Variants in ZNF804B observed in about 807,000 individuals in gnomAD.
ZNF804B encodes zinc finger 804B.
A neutral mutation model predicts 101.4 loss-of-function variants in ZNF804B; 80 were observed. The ratio of observed to expected loss-of-function variants is 0.79; its 90% CI spans 0.66 to 0.95. The LOEUF is 0.95. ZNF804B is among the 40% of genes least tolerant of loss of function. ZNF804B has a pLI of 0.00. For synonymous variants in ZNF804B, 622 were observed against 558.8 expected (o/e 1.11, Z -1.59); for missense variants, 1,673 against 1,561.9 (o/e 1.07, Z -1.20).
chr7:88,882,752 A>G (rs1031563838), intron 1 of ZNF804B, among the ~76,000 whole-genome samples: 1 of 152,150 alleles, frequency 6.6e-6, no homozygotes, highest in African/African-American at 2.4e-5. Context: ...TAATGCAGGA[A>G]TGGAAAAACA....
intron 1 of ZNF804B, chr7:88,794,566 A>T: frequency 6.2e-7 from 1 of 1,613,684 alleles, no homozygotes; most frequent in Non-Finnish European, 8.5e-7. Context: ...CATTTGTTGA[A>T]TAAAAAATAC....
intron 1 of ZNF804B, among the ~76,000 whole-genome samples, chr7:88,801,921 C>A (rs867807654): frequency 6.6e-6 from 1 of 152,032 alleles, no homozygotes; most frequent in East Asian, 1.9e-4. Context: ...AAATTTGGAT[C>A]TGATATGGTT....
intron 2 of ZNF804B, among the ~76,000 whole-genome samples, chr7:89,246,468 C>A (rs1789448869): frequency 6.6e-6 from 1 of 152,142 alleles, no homozygotes; most frequent in South Asian, 2.1e-4. Flanking sequence ...CAGCAGGGCC[C>A]TCTCAGATTT....
intron 1 of ZNF804B, among the ~76,000 whole-genome samples, chr7:88,951,118 T>C (rs1793211108): frequency 1.3e-5 from 2 of 152,002 alleles, no homozygotes; most frequent in African/African-American, 2.4e-5. Flanking sequence ...TAAGAAATAT[T>C]TGGAGGACTC....
intron 1 of ZNF804B, among the ~76,000 whole-genome samples, chr7:89,029,060 T>C (rs1788790411): frequency 6.6e-6 from 1 of 152,122 alleles, no homozygotes; most frequent in Admixed American, 6.6e-5. Context: ...TATGAACAAA[T>C]GAATGACAAT....
intron 1 of ZNF804B, among the ~76,000 whole-genome samples, chr7:88,797,144 C>T (rs539677725): frequency 1.5e-4 from 23 of 152,172 alleles, no homozygotes; most frequent in Non-Finnish European, 3.2e-4. Flanking sequence ...CCTCTCAGTT[C>T]CCAGGCCAAA....
Position 89,004,862 on chromosome 7 carries a change from T to C in ZNF804B, c.109-213293T>C, listed in dbSNP as rs1012500337. ...CATTTTTCTGACTGTAATATTTGCA[T>C]TTCTGGACATTTTTTTCTAGCCTTC... is the stretch of plus-strand genomic sequence containing the variant. On this transcript the variant is annotated intron_variant, in intron 1 of 3. Transcript: ENST00000333190. 2.0e-5 allele frequency among the ~76,000 whole-genome samples: 3 copies of C among 151,976 alleles called. No homozygotes were observed. In the South Asian group the frequency reaches 6.2e-4, roughly 31 times the overall value.
chr7:88,832,199 C>T (rs764201163), intron 1 of ZNF804B, among the ~76,000 whole-genome samples: 44 of 151,606 alleles, frequency 2.9e-4, no homozygotes, highest in Non-Finnish European at 5.9e-4. Flanking sequence ...ATTTGTCTAA[C>T]GTACTCTTAT....
rs1298829988 is a variant in ZNF804B at position 88,833,146 on chromosome 7, CT to C, written c.108+73073del. ...ATCCTCTTTCAATATTTCCTTTCTG[CT>C]TTTTTTTTTTGCTATTCTATCTTCC... On this transcript the variant is annotated intron_variant, in intron 1 of 3. Transcript: ENST00000333190. 3.8e-3 allele frequency among the ~76,000 whole-genome samples: 529 copies of C among 137,938 alleles called. 2 individuals carry two copies. The highest frequency in any genetic ancestry group is 8.8e-3 in the African/African-American group (327 of 37,096). The allele number at this position is 137,938 out of a possible 152,430, so 90.5% of individuals were successfully genotyped here.
intron 1 of ZNF804B, among the ~76,000 whole-genome samples, chr7:89,004,365 A>T (rs1171301511): frequency 6.6e-6 from 1 of 151,910 alleles, no homozygotes; most frequent in Non-Finnish European, 1.5e-5. Context: ...TTATTCATAT[A>T]AAGTATGATC....
At chr7:89,024,599 T>C (rs1347052113) in intron 1 of ZNF804B, among the ~76,000 whole-genome samples, 5 of 6,544 alleles carry the variant, frequency 7.6e-4, no homozygotes, top group African/African-American at 4.2e-3. Context: ...AGCTATTACT[T>C]TTTTTTTTTT....
chr7:89,334,196 C>T lies in ZNF804B; in HGVS notation c.1214C>T (p.Ser405Phe), dbSNP rs779611116. Residue 405 changes from serine to phenylalanine, a missense_variant, in exon 4 of 4, where the codon TCC becomes TTC. Physicochemically the swap from Ser to Phe is radical, Grantham distance 155. Coordinates refer to ENST00000333190, the MANE Select transcript of ZNF804B (RefSeq NM_181646.5). ...AGTACAGTGCATCTGAATCCAAATT[C>T]CAGAATAGAGAACAGAGAAAAATCT... ...QKSTVHLNPN[S>F]RIENREKSLD... The T allele has an allele frequency of 6.2e-7, 1 of 1,613,362 alleles. No homozygotes were observed. Among genetic ancestry groups the T allele is most frequent in the South Asian group, 1.1e-5 (1 of 91,064 alleles).
chr7:89,059,943 T>C (rs1012920707), intron 1 of ZNF804B, among the ~76,000 whole-genome samples: 3 of 152,090 alleles, frequency 2.0e-5, no homozygotes, highest in Non-Finnish European at 4.4e-5. Flanking sequence ...GAATTGTCTT[T>C]CTTTGAGACA....
At chr7:89,262,433 T>C (rs1472175992) in intron 2 of ZNF804B, among the ~76,000 whole-genome samples, 1 of 152,158 alleles carries the variant, frequency 6.6e-6, no homozygotes, top group African/African-American at 2.4e-5. Context: ...TATATGACCA[T>C]GGGTAAGTTA....
At chr7:89,305,417 G>GA (rs1422913274) in intron 2 of ZNF804B, among the ~76,000 whole-genome samples, 2 of 151,800 alleles carry the variant, frequency 1.3e-5, no homozygotes, top group African/African-American at 2.4e-5. Context: ...TAGTTTGAAA[G>GA]AAAAAATGTG....
At chr7:88,786,453 T>C (rs189779128) in intron 1 of ZNF804B, among the ~76,000 whole-genome samples, 44 of 152,226 alleles carry the variant, frequency 2.9e-4, no homozygotes, top group Admixed American at 2.5e-3. Context: ...TTCTCTTTAC[T>C]GAATGCAGAT....
At chr7:88,811,484 A>G (rs188056854) in intron 1 of ZNF804B, among the ~76,000 whole-genome samples, 8 of 152,288 alleles carry the variant, frequency 5.3e-5, no homozygotes, top group African/African-American at 1.7e-4. Context: ...TATATACCCA[A>G]AGGACTATAA....
chr7:89,003,954 T>G (rs563391175), intron 1 of ZNF804B, among the ~76,000 whole-genome samples: 1 of 149,968 alleles, frequency 6.7e-6, no homozygotes, highest in South Asian at 2.1e-4. Flanking sequence ...TAGGCATTCT[T>G]AAAACAAACT....
intron 2 of ZNF804B, among the ~76,000 whole-genome samples, chr7:89,251,812 G>T (rs1295377644): frequency 1.3e-5 from 2 of 152,128 alleles, no homozygotes; most frequent in African/African-American, 2.4e-5. Flanking sequence ...ATGGGGAAAG[G>T]ACTCTCTAGT....
Sources: gnomAD v4.1 joint callset for allele counts (sites outside exome capture counted in the v4.1 genomes callset) on GRCh38, gnomAD v4.1.1 for gene constraint, MANE v1.5 for transcripts, NCBI Gene and HGNC (gene_info 2026-07-23, HGNC 2026-07-21) for gene names.